The following NBPF4 variants were observed in gnomAD, a reference collection of about 807,000 sequenced individuals.
NBPF4 encodes the protein NBPF member 4.
Under a neutral mutation model 21.1 loss-of-function variants are expected in NBPF4, and 11 were observed. That is an observed-to-expected ratio of 0.52 (90% confidence interval 0.33 to 0.86). The LOEUF (loss-of-function observed/expected upper bound fraction) is 0.86, where lower values mean the gene tolerates loss of function less well. NBPF4 is among the 40% of genes least tolerant of loss of function. NBPF4 has a pLI of 0.03. For missense variants in NBPF4, 88 were observed against 265.3 expected (o/e 0.33, Z 4.64); for synonymous variants, 47 against 106.4 (o/e 0.44, Z 3.43).
At chr1:108,259,572 T>C in the NBPF4 span, among the ~76,000 whole-genome samples, 6 of 144,570 alleles carry the variant, frequency 4.2e-5, 1 homozygote, top group Non-Finnish European at 6.0e-5. Flanking sequence ...CTGTTCCTAT[T>C]GGATGTTAAG....
At chr1:108,226,018 A>G (rs1288144025) in intron 14 of NBPF4, among the ~76,000 whole-genome samples, 1 of 123,214 alleles carries the variant, frequency 8.1e-6, no homozygotes, top group Non-Finnish European at 1.7e-5. Flanking sequence ...TGAGTCCATG[A>G]GGTGAGAACA....
chr1:108,246,397 T>G (rs1292493258), upstream of NBPF4, among the ~76,000 whole-genome samples: 6 of 120,706 alleles, frequency 5.0e-5, 3 homozygotes, highest in Admixed American at 5.9e-4. Flanking sequence ...GGTTTAGGTT[T>G]TATGCCCTGG....
the NBPF4 span, among the ~76,000 whole-genome samples, chr1:108,256,557 C>T: frequency 2.2e-5 from 2 of 91,000 alleles, no homozygotes; most frequent in Non-Finnish European, 4.1e-5. Flanking sequence ...CCCTCCCCTG[C>T]CCTCCCTCTC....
chr1:108,244,945 T>TATGTATATATATATAC (rs1649793963), upstream of NBPF4, among the ~76,000 whole-genome samples: 1 of 37,986 alleles, frequency 2.6e-5, no homozygotes, highest in Non-Finnish European at 5.2e-5. Context: ...TATATATATA[T>TATGTATATATATATAC]ATACACACAC....
Position 108,223,411 on chromosome 1 carries a change from A to C in NBPF4, c.*294T>G, listed in dbSNP as rs1649371818. 2 of 321,174 alleles carry C rather than the reference A, an allele frequency of 6.2e-6. No homozygotes were observed. Among genetic ancestry groups the C allele is most frequent in the Admixed American group, 9.2e-5 (2 of 21,772 alleles). 19.9% of individuals were successfully genotyped at this position (321,174 alleles called of 1,614,324 possible). ...GGCTGACATGCTGTCTCCTGCCAGC[A>C]GCTGCGGACTCCTGTTCTCTACACG... On this transcript the variant is annotated 3_prime_UTR_variant, in exon 15 of 15. Transcript: ENST00000415641.
the NBPF4 span, among the ~76,000 whole-genome samples, chr1:108,264,709 A>C: frequency 1.6e-5 from 1 of 62,422 alleles, no homozygotes; most frequent in Non-Finnish European, 3.2e-5. Flanking sequence ...CCACAGTGCA[A>C]TCAAATTAGA....
upstream of NBPF4, among the ~76,000 whole-genome samples, chr1:108,247,030 G>GGA: frequency 8.6e-6 from 1 of 116,850 alleles, no homozygotes; most frequent in South Asian, 3.0e-4. Flanking sequence ...CTGTTGCTAT[G>GGA]CAAAAAGATG....
intron 12 of NBPF4, among the ~76,000 whole-genome samples, chr1:108,229,398 G>T (rs1398503680): frequency 6.6e-6 from 1 of 150,608 alleles, no homozygotes; most frequent in African/African-American, 2.4e-5. Flanking sequence ...CAGCCCAGAG[G>T]GCTTTGGATT....
chr1:108,268,650 C>A, the NBPF4 span, among the ~76,000 whole-genome samples: 1 of 150,024 alleles, frequency 6.7e-6, no homozygotes, highest in Non-Finnish European at 1.5e-5. Flanking sequence ...TTAGCTACAT[C>A]AACTTTGGGA....
At chr1:108,228,211 TAA>T (rs1334812155) in intron 13 of NBPF4, among the ~76,000 whole-genome samples, 1 of 74,550 alleles carries the variant, frequency 1.3e-5, no homozygotes, top group Admixed American at 1.6e-4. Context: ...TGGAATTTCA[TAA>T]AAGAGACTGA....
At chr1:108,268,703 A>G in the NBPF4 span, among the ~76,000 whole-genome samples, 5 of 149,396 alleles carry the variant, frequency 3.3e-5, no homozygotes, top group African/African-American at 1.2e-4. Context: ...GCAAAATATA[A>G]AGATTAGAAA....
the NBPF4 span, among the ~76,000 whole-genome samples, chr1:108,257,900 C>T: frequency 7.0e-6 from 1 of 142,374 alleles, no homozygotes; most frequent in Non-Finnish European, 1.5e-5. Context: ...AGGAGTGCAT[C>T]ACCATGCCCG....
upstream of NBPF4, among the ~76,000 whole-genome samples, chr1:108,244,931 TATATATATATATATATACAC>T (rs1211551170): frequency 3.3e-4 from 15 of 44,900 alleles, 2 homozygotes; most frequent in African/African-American, 7.5e-4. Flanking sequence ...TATATATATA[TATATATATATATATATACAC>T]ACACATATAG....
intron 14 of NBPF4, among the ~76,000 whole-genome samples, chr1:108,223,977 C>T (rs1649397574): frequency 6.8e-6 from 1 of 147,432 alleles, no homozygotes; most frequent in Non-Finnish European, 1.5e-5. Context: ...AGGACCCCAC[C>T]TATGCCCAAC....
intron 14 of NBPF4, 28 bp from the exon 15 acceptor site, chr1:108,223,774 A>G (rs1649389802): frequency 6.5e-7 from 1 of 1,547,154 alleles, no homozygotes; most frequent in South Asian, 1.2e-5. Context: ...AAAAAAAATC[A>G]AATGAGCATT....
the NBPF4 span, among the ~76,000 whole-genome samples, chr1:108,256,274 TTTTG>T: frequency 5.7e-4 from 85 of 149,486 alleles, 1 homozygote; most frequent in East Asian, 0.013. Flanking sequence ...AGTTTGTCAA[TTTTG>T]TTTATTTTTT....
Position 108,235,237 on chromosome 1 carries a change from T to TGGG in NBPF4, c.1024_1026dup (p.Pro342dup). The TGGG allele has an allele frequency of 4.3e-6, 1 of 234,684 alleles. No individual in the cohort carries two copies. Among genetic ancestry groups the TGGG allele is most frequent in the Non-Finnish European group, 6.7e-6 (1 of 148,304 alleles). 14.5% of individuals were successfully genotyped at this position (234,684 alleles called of 1,614,324 possible). ...CAGCCCCTGATTTTTCTCAATTACC[T>TGGG]GGGAGCAACTGTTTCTTGTCCTTTC... is the stretch of plus-strand genomic sequence containing the variant. On this transcript the variant is annotated inframe_insertion and splice_region_variant, in exon 9 of 15. Transcript: ENST00000415641.
In NBPF4 at chr1:108,222,640, G is replaced by A. The variant is rs1227524418; in HGVS notation, c.*1065C>T. On this transcript the variant is annotated 3_prime_UTR_variant, in exon 15 of 15. Transcript: ENST00000415641. ...GGATGAAAGTTAAAATTTGGGCAGG[G>A]AATGATCTTTTTTACAAAGAATGCC... Among the ~76,000 whole-genome samples the A allele has an allele frequency of 1.3e-5, 2 of 152,118 alleles. No homozygotes were observed. Among genetic ancestry groups the A allele is most frequent in the African/African-American group, 4.8e-5 (2 of 41,434 alleles).
At chr1:108,259,663 G>A in the NBPF4 span, among the ~76,000 whole-genome samples, 4 of 145,504 alleles carry the variant, frequency 2.7e-5, no homozygotes, top group South Asian at 2.1e-4. Flanking sequence ...ACTGGAGTCT[G>A]GGAGTTTGAG....
Sources: allele counts gnomAD v4.1 joint callset (sites outside exome capture counted in the v4.1 genomes callset), GRCh38; gene constraint gnomAD v4.1.1; transcripts MANE v1.5; gene names NCBI Gene and HGNC (gene_info 2026-07-23, HGNC 2026-07-21).